Variants in FAM149A observed in about 807,000 individuals in gnomAD.
The protein encoded by FAM149A is family with sequence similarity 149 member A.
In FAM149A, 71 loss-of-function variants were observed where a neutral mutation model predicts 78.2. The observed-to-expected ratio is 0.91, with a 90% CI of 0.75 to 1.11. The LOEUF (loss-of-function observed/expected upper bound fraction) is 1.11. Ranked by LOEUF, FAM149A falls within the 50% of genes least tolerant of loss-of-function variation. The pLI, the probability that FAM149A is intolerant of heterozygous loss-of-function variation, is 0.00. For synonymous variants in FAM149A, 446 were observed against 410.5 expected (o/e 1.09, Z -1.04); for missense variants, 1,036 against 971.0 (o/e 1.07, Z -0.89).
At chr4:186,165,316 T>C in intron 10 of FAM149A, 28 bp from the exon 11 acceptor site, 5 of 1,613,718 alleles carry the variant, frequency 3.1e-6, no homozygotes, top group Non-Finnish European at 4.2e-6. Context: ...TGTACCTGGG[T>C]GCTCAGTGAC....
In FAM149A at chr4:186,162,067, A is replaced by G. The variant is rs115904675; in HGVS notation, c.1576-778A>G. ...GGTCATATTGTGGGACTGAAGAGGG[A>G]GTTAAGAATTACTTAGCCCTTAGCT... is the stretch of plus-strand genomic sequence containing the variant. On this transcript the variant is annotated intron_variant, in intron 8 of 13. Coordinates refer to ENST00000389354, the MANE Select transcript of FAM149A (RefSeq NM_001367768.3). 8.4e-3 allele frequency among the ~76,000 whole-genome samples: 1,279 copies of G among 152,300 alleles called. 20 individuals carry two copies. Among genetic ancestry groups the G allele is most frequent in the African/African-American group, 0.029 (1,207 of 41,548 alleles).
At chr4:186,117,004 A>G (rs1183204844) in intron 1 of FAM149A, among the ~76,000 whole-genome samples, 3 of 152,214 alleles carry the variant, frequency 2.0e-5, no homozygotes, top group Non-Finnish European at 4.4e-5. Flanking sequence ...TTAGAATGCT[A>G]ATTAAGCATT....
intron 1 of FAM149A, chr4:186,146,398 C>T (rs1439720789): frequency 2.1e-6 from 2 of 930,836 alleles, no homozygotes; most frequent in Non-Finnish European, 2.6e-6. Flanking sequence ...ATCCCAAGAC[C>T]TCCTGGGCTC....
At chr4:186,126,664 G>A (rs1224150216) in intron 1 of FAM149A, among the ~76,000 whole-genome samples, 1 of 152,072 alleles carries the variant, frequency 6.6e-6, no homozygotes, top group Non-Finnish European at 1.5e-5. Context: ...GGGAAGTCAC[G>A]CCATCGTCAC....
intron 1 of FAM149A, among the ~76,000 whole-genome samples, chr4:186,140,714 A>G (rs1364046622): frequency 6.6e-6 from 1 of 152,230 alleles, no homozygotes; most frequent in Non-Finnish European, 1.5e-5. Flanking sequence ...CACTTAAACA[A>G]TAAGATAGAA....
chr4:186,135,957 C>T (rs1232357849), intron 1 of FAM149A, among the ~76,000 whole-genome samples: 4 of 152,110 alleles, frequency 2.6e-5, no homozygotes, highest in African/African-American at 9.7e-5. Context: ...AGGCACCACG[C>T]GTGTGGAGTT....
Position 186,167,030 on chromosome 4 carries a change from G to A in FAM149A, c.2073G>A (p.Ser691=), listed in dbSNP as rs373524360. The change falls in exon 12 of 14, where the codon TCG becomes TCA. Residue 691 remains serine (S), a synonymous_variant. Coordinates refer to ENST00000389354, the MANE Select transcript of FAM149A (RefSeq NM_001367768.3). ...CCATGCCTGACGGTACAGAACGATC[G>A]CGTCTTCGAGAAAGAACAGCCACCC... The A allele has an allele frequency of 7.4e-6, 12 of 1,614,022 alleles. 1 individual carries two copies. The Admixed American group carries it at 8.3e-5, about 11-fold the overall frequency.
chr4:186,151,718 G>A (rs1415401354), intron 3 of FAM149A, 185 bp from the exon 4 acceptor site: 4 of 985,184 alleles, frequency 4.1e-6, no homozygotes, highest in Non-Finnish European at 4.8e-6. Flanking sequence ...CTCAGAATGA[G>A]ATGGCATTTC....
At chr4:186,158,954 T>C (rs1734293442) in intron 8 of FAM149A, 1 of 272,422 alleles carries the variant, frequency 3.7e-6, no homozygotes, top group South Asian at 1.4e-4. Context: ...AATGTGATTA[T>C]TTCATGAAGT....
Position 186,154,455 on chromosome 4 carries a change from T to C in FAM149A, c.1059-13T>C, listed in dbSNP as rs1180537921. 1 of 1,595,138 alleles carries C rather than the reference T, an allele frequency of 6.3e-7. No individual in the cohort carries two copies. Among genetic ancestry groups the C allele is most frequent in the East Asian group, 2.2e-5 (1 of 44,560 alleles). ...CTATAAACTCCCATGTAGAATCTGT[T>C]TTTTTCCCATAGGTTGTGCATTTCT... On this transcript the variant is annotated splice_polypyrimidine_tract_variant and intron_variant, in intron 5 of 13. Transcript: ENST00000389354.
At chr4:186,137,110 A>T (rs1364770474) in intron 1 of FAM149A, among the ~76,000 whole-genome samples, 3 of 152,026 alleles carry the variant, frequency 2.0e-5, no homozygotes, top group African/African-American at 7.3e-5. Context: ...TTTAAAATAG[A>T]CCAATAATGA....
Position 186,164,275 on chromosome 4 carries a change from T to A in FAM149A, c.1889+642T>A, listed in dbSNP as rs7688336. ...TTCCCCACCACAAAACTTTATATTG[T>A]TGGGACTCATACTATCCCAAATCTG... is the stretch of plus-strand genomic sequence containing the variant. On this transcript the variant is annotated intron_variant, in intron 10 of 13. Coordinates refer to ENST00000389354, the MANE Select transcript of FAM149A (RefSeq NM_001367768.3). The surrounding 1 kb of genome is among the most constrained non-coding windows in gnomAD (Gnocchi z 4.0). Among the ~76,000 whole-genome samples the A allele has an allele frequency of 0.13, 19,833 of 152,228 alleles. 1,687 individuals are homozygous for A. The highest frequency in any genetic ancestry group is 0.44 in the East Asian group (2,257 of 5,162).
In FAM149A at chr4:186,126,792, G is replaced by A. The variant is rs547018537; in HGVS notation, c.566+21150G>A. On this transcript the variant is annotated intron_variant, in intron 1 of 13. Transcript: ENST00000389354. ...GCGACTTCTTAGCCTCTGTGATTGC[G>A]TGAGCCTGTTCCCCTAATAAATCTC... is the stretch of plus-strand genomic sequence containing the variant. 2.4e-4 allele frequency: 183 copies of A among 748,234 alleles called. 1 individual carries two copies. The Middle Eastern group carries it at 6.1e-3, about 25-fold the overall frequency. The allele number at this position is 748,234 out of a possible 1,614,324, so 46.3% of individuals were successfully genotyped here.
intron 1 of FAM149A, among the ~76,000 whole-genome samples, chr4:186,134,915 G>T (rs756712557): frequency 1.3e-5 from 2 of 152,176 alleles, no homozygotes; most frequent in African/African-American, 2.4e-5. Flanking sequence ...TCAATATGAC[G>T]CAGTTCCTGG....
chr4:186,163,220 G>T lies in FAM149A; in HGVS notation c.1680-204G>T, dbSNP rs78888500. On this transcript the variant is annotated intron_variant, in intron 9 of 13. Transcript: ENST00000389354. The stretch of plus-strand genomic sequence containing the variant: ...GGCTTGACTGTTTGATTACTGACAG[G>T]GAAAACCTTAGCCCTCTGCCTGTGG... Among the ~76,000 whole-genome samples, 1,282 of 152,262 alleles carry T rather than the reference G, an allele frequency of 8.4e-3. 21 individuals are homozygous for T. The highest frequency in any genetic ancestry group is 0.029 in the African/African-American group (1,210 of 41,542).
At position 186,163,475 on chromosome 4, in the gene FAM149A, C is replaced by T. The variant is rs151328807; in HGVS notation, c.1731C>T (p.Ser577=). ...GTGGAGGGGCAGGTGCTCTCTCCTC[C>T]GCACCGCACAGACTGGGACGGGCCT... is the stretch of plus-strand genomic sequence containing the variant. The change falls in exon 10 of 14, where the codon TCC becomes TCT. Residue 577 remains serine, a synonymous_variant. Coordinates refer to ENST00000389354, the MANE Select transcript of FAM149A (RefSeq NM_001367768.3). 4.4e-5 allele frequency: 71 copies of T among 1,614,024 alleles called. No individual in the cohort carries two copies. The highest frequency in any genetic ancestry group is 3.9e-4 in the African/African-American group (29 of 75,000).
chr4:186,163,305 C>A, intron 9 of FAM149A, 119 bp from the exon 10 acceptor site: 1 of 740,574 alleles, frequency 1.4e-6, no homozygotes. Flanking sequence ...TCAACCCGTG[C>A]TTAGGAGTAT....
At chr4:186,108,371 T>C (rs1487336154) in intron 1 of FAM149A, among the ~76,000 whole-genome samples, 3 of 150,500 alleles carry the variant, frequency 2.0e-5, no homozygotes, top group Non-Finnish European at 4.4e-5. Context: ...TTTTTGACAA[T>C]AACGCATACA....
At chr4:186,107,891 C>T (rs1475998545) in intron 1 of FAM149A, among the ~76,000 whole-genome samples, 1 of 152,184 alleles carries the variant, frequency 6.6e-6, no homozygotes, top group Non-Finnish European at 1.5e-5. Flanking sequence ...AGATCCACGA[C>T]TACTCACATT....
Sources: gnomAD v4.1 joint callset for allele counts (sites outside exome capture counted in the v4.1 genomes callset) on GRCh38, gnomAD v4.1.1 for gene constraint, Gnocchi (gnomAD v3.1) non-coding constraint, MANE v1.5 for transcripts, NCBI Gene and HGNC (gene_info 2026-07-23, HGNC 2026-07-21) for gene names.